USP44: variants seen among roughly 807,000 people sequenced by gnomAD.
USP44 encodes the protein ubiquitin specific peptidase 44, also known as ubiquitin carboxyl-terminal hydrolase 44.
USP44 carries 61 observed loss-of-function variants against 69.0 expected under a neutral mutation model. The ratio of observed to expected loss-of-function variants is 0.88; its 90% CI spans 0.72 to 1.09. The LOEUF (loss-of-function observed/expected upper bound fraction) is 1.09. USP44 is among the 50% of genes least tolerant of loss of function. The probability of loss-of-function intolerance (pLI) is 0.00; values close to 1 mark genes in which losing one functional copy is unlikely to be tolerated. For missense variants in USP44, 753 were observed against 849.9 expected, an observed-to-expected ratio of 0.89 and a Z score of 1.42; for synonymous variants, 297 against 295.4, an observed-to-expected ratio of 1.01 and a Z score of -0.06.
At chr12:95,530,752 G>A (rs990945273) in intron 2 of USP44, among the ~76,000 whole-genome samples, 4 of 152,064 alleles carry the variant, frequency 2.6e-5, no homozygotes, top group Non-Finnish European at 5.9e-5. Context: ...GTCTTACTCT[G>A]ACAAAGTCAA....
intron 1 of USP44, among the ~76,000 whole-genome samples, chr12:95,550,069 C>G (rs1341221686): frequency 6.6e-6 from 1 of 151,560 alleles, no homozygotes; most frequent in African/African-American, 2.4e-5. Flanking sequence ...ATCCCAGCTA[C>G]TCGGTAGGCT....
chr12:95,544,048 CTT>C (rs1191045599), intron 1 of USP44, among the ~76,000 whole-genome samples: 23 of 97,248 alleles, frequency 2.4e-4, no homozygotes, highest in African/African-American at 6.2e-4. Context: ...TTTTAGTTAT[CTT>C]TTTTTTTTTT....
intron 3 of USP44, among the ~76,000 whole-genome samples, chr12:95,525,218 C>A (rs528284699): frequency 6.6e-6 from 1 of 152,086 alleles, no homozygotes; most frequent in Admixed American, 6.6e-5. Flanking sequence ...ACTATAGGTG[C>A]GTGCCACCAT....
intron 5 of USP44, among the ~76,000 whole-genome samples, chr12:95,519,000 A>AT (rs903842661): frequency 1.3e-5 from 2 of 151,960 alleles, no homozygotes; most frequent in African/African-American, 2.4e-5. Flanking sequence ...CCCTGAACAC[A>AT]TTTTTTTCCA....
At chr12:95,544,345 G>A (rs1291996047) in intron 1 of USP44, among the ~76,000 whole-genome samples, 8 of 152,018 alleles carry the variant, frequency 5.3e-5, no homozygotes, top group Non-Finnish European at 1.0e-4. Flanking sequence ...GTGAGCCACC[G>A]CGCCCAGCCA....
rs1409462146 is a variant in USP44 at position 95,525,232 on chromosome 12, C to T, written c.1625-444G>A. 3.9e-5 allele frequency among the ~76,000 whole-genome samples: 6 copies of T among 152,148 alleles called. No homozygotes were observed. In the East Asian group the frequency reaches 5.8e-4, roughly 15 times the overall value. ...GACTATAGGTGCGTGCCACCATGCC[C>T]GGCTAATTTTTGTATTTTTAGTAGA... is the stretch of plus-strand genomic sequence containing the variant. On this transcript the variant is annotated intron_variant, in intron 3 of 5. Coordinates refer to ENST00000258499, the MANE Select transcript of USP44 (RefSeq NM_032147.5).
chr12:95,546,993 G>A (rs2077593164), intron 1 of USP44: 1 of 152,136 alleles, frequency 6.6e-6, no homozygotes, highest in African/African-American at 2.4e-5. Context: ...AGATAAATCT[G>A]TAGAAAAGGG....
intron 1 of USP44, among the ~76,000 whole-genome samples, chr12:95,549,857 TCTAA>T (rs761907246): frequency 5.9e-5 from 9 of 152,064 alleles, no homozygotes; most frequent in Non-Finnish European, 7.4e-5. Context: ...GGCACAGGAT[TCTAA>T]CTAACAGGAA....
At chr12:95,544,077 T>G (rs184659414) in intron 1 of USP44, among the ~76,000 whole-genome samples, 1,211 of 120,292 alleles carry the variant, frequency 0.01, 111 homozygotes, top group Admixed American at 0.098. Context: ...TTTTCTGAGA[T>G]GGAGTCTCGC....
chr12:95,533,529 T>C lies in USP44; in HGVS notation c.728A>G (p.Asp243Gly). Residue 243 changes from aspartate (D) to glycine (G), a missense_variant, in exon 2 of 6, where the codon GAT becomes GGT. By Grantham distance (94) the Asp-to-Gly change is moderately conservative (BLOSUM62 -1). Coordinates refer to ENST00000258499, the MANE Select transcript of USP44 (RefSeq NM_032147.5). Reference sequence around the variant, plus strand: ...ATTTTCTGAGGTAGAGAGTACTTTATCTTTTGCTGGTGATGCTGGCGTTTG... The same window carrying C: ...ATTTTCTGAGGTAGAGAGTACTTTACCTTTTGCTGGTGATGCTGGCGTTTG... Reference protein sequence around the residue: ...PAQTPASPAKDKVLSTSENEI... With the variant: ...PAQTPASPAKGKVLSTSENEI... The C allele has an allele frequency of 3.1e-6, 5 of 1,613,932 alleles. No individual in the cohort carries two copies. Among genetic ancestry groups the C allele is most frequent in the Non-Finnish European group, 4.2e-6 (5 of 1,179,932 alleles).
At chr12:95,531,145 C>A (rs918674669) in intron 2 of USP44, among the ~76,000 whole-genome samples, 1 of 148,726 alleles carries the variant, frequency 6.7e-6, no homozygotes, top group African/African-American at 2.6e-5. Flanking sequence ...GCCTGGGCAA[C>A]AGAGTGAGAC....
At chr12:95,542,073 G>T (rs560423734) in intron 1 of USP44, among the ~76,000 whole-genome samples, 4 of 151,886 alleles carry the variant, frequency 2.6e-5, no homozygotes, top group Admixed American at 2.0e-4. Context: ...TAGAGATGGG[G>T]TTTCATCATT....
At position 95,521,170 on chromosome 12, in the gene USP44, C is replaced by G; in HGVS notation, c.1766G>C (p.Gly589Ala). Residue 589 changes from glycine to alanine, a missense_variant, in exon 5 of 6, where the codon GGT becomes GCT. Transcript: ENST00000258499. ...WSGRNNREKI[G>A]VHVGFEEILN... ...GATTTCCTCAAAGCCAACATGAACA[C>G]CAATCTTCTCTCGGTTATTACGTCC... is the stretch of plus-strand genomic sequence containing the variant. 1 of 1,614,150 alleles carries G rather than the reference C, an allele frequency of 6.2e-7. No homozygotes were observed. Among genetic ancestry groups the G allele is most frequent in the Non-Finnish European group, 8.5e-7 (1 of 1,180,028 alleles).
At chr12:95,522,504 G>A (rs537113508) in intron 4 of USP44, among the ~76,000 whole-genome samples, 7 of 152,074 alleles carry the variant, frequency 4.6e-5, no homozygotes, top group African/African-American at 1.2e-4. Flanking sequence ...TTGGTTGGCC[G>A]TGGTGGCTCA....
In USP44 at chr12:95,533,671, C is replaced by A. The variant is rs924888091; in HGVS notation, c.586G>T (p.Glu196Ter). Residue 196 changes from glutamate to a stop codon, truncating the protein, a stop_gained, in exon 2 of 6, where the codon GAA (glutamate) becomes TAA (stop). Transcript: ENST00000258499. LOFTEE classifies it high-confidence loss of function. ...TCTGCTTTAACTTGATACTCCAATT[C>A]CTGCCGTCTTTTCTTTACTTCTCTT... The part of the protein sequence containing the change: ...VKREVKKRRQ[E>*]LEYQVKAELE... 5.0e-6 allele frequency: 8 copies of A among 1,613,766 alleles called. No homozygotes were observed. The highest frequency in any genetic ancestry group is 6.8e-6 in the Non-Finnish European group (8 of 1,180,042).
intron 3 of USP44, among the ~76,000 whole-genome samples, chr12:95,526,407 C>T (rs1056800073): frequency 5.9e-5 from 9 of 152,214 alleles, no homozygotes; most frequent in Admixed American, 5.2e-4. Flanking sequence ...CCTGTCTCTA[C>T]TAAAAATACA....
At chr12:95,532,167 GTTTTT>G (rs1272256143) in intron 2 of USP44, among the ~76,000 whole-genome samples, 1 of 126,680 alleles carries the variant, frequency 7.9e-6, no homozygotes, top group Non-Finnish European at 1.6e-5. Flanking sequence ...CTTTCTTTGG[GTTTTT>G]TTTTTTTTTT....
intron 4 of USP44, 60 bp from the exon 5 acceptor site, chr12:95,521,262 G>A: frequency 1.3e-6 from 2 of 1,500,652 alleles, no homozygotes; most frequent in Admixed American, 1.7e-5. Context: ...CACGTACTAG[G>A]TCTAGACACT....
chr12:95,548,514 C>T lies in USP44; in HGVS notation c.-71+2758G>A, dbSNP rs1043085902. On this transcript the variant is annotated intron_variant, in intron 1 of 5. Transcript: ENST00000258499. The surrounding 1 kb of genome is among the most constrained non-coding windows in gnomAD (Gnocchi z 4.1). ...TGCCGCCGGGACAGGGTCGGAGCGC[C>T]GCAGAACCCACCGAAACTTCCCAGG... The T allele has an allele frequency of 6.6e-6, 1 of 152,398 alleles. No individual in the cohort carries two copies. The allele number at this position is 152,398 out of a possible 1,614,324, so 9.4% of individuals were successfully genotyped here. A position where few individuals can be genotyped will look rare whatever the true frequency, so the allele number is the denominator to read the frequency against.
Sources: allele counts gnomAD v4.1 joint callset (sites outside exome capture counted in the v4.1 genomes callset), GRCh38; gene constraint gnomAD v4.1.1; non-coding constraint Gnocchi (gnomAD v3.1); transcripts MANE v1.5; gene names NCBI Gene and HGNC (gene_info 2026-07-23, HGNC 2026-07-21).